The following SIMC1 variants were observed in gnomAD, a reference collection of about 807,000 sequenced individuals.
SIMC1 encodes SUMO interacting motifs containing 1, also known as SUMO-interacting motif-containing protein 1.
A neutral mutation model predicts 82.3 loss-of-function variants in SIMC1; 55 were observed. The observed-to-expected ratio is 0.67, with a 90% confidence interval of 0.54 to 0.84. The LOEUF (loss-of-function observed/expected upper bound fraction) is 0.84. SIMC1 is among the 40% of genes least tolerant of loss of function. The probability of loss-of-function intolerance (pLI) is 0.00; values close to 1 mark genes in which losing one functional copy is unlikely to be tolerated. For missense variants in SIMC1, 915 were observed against 1,107.2 expected (o/e 0.83, Z 2.46); for synonymous variants, 353 against 426.3 (o/e 0.83, Z 2.12).
intron 9 of SIMC1, among the ~76,000 whole-genome samples, chr5:176,341,830 G>A (rs1766163687): frequency 6.6e-6 from 1 of 152,140 alleles, no homozygotes; most frequent in Admixed American, 6.5e-5. Flanking sequence ...AATACTATCA[G>A]CTGAAATATC....
chr5:176,343,433 A>G (rs1390394372), intron 9 of SIMC1, among the ~76,000 whole-genome samples: 4 of 152,150 alleles, frequency 2.6e-5, no homozygotes, highest in Non-Finnish European at 5.9e-5. Flanking sequence ...AATTCCACAC[A>G]CTTCTAGAAT....
At chr5:176,305,138 G>GGGGGC (rs1561710129) in intron 4 of SIMC1, among the ~76,000 whole-genome samples, 1 of 42,690 alleles carries the variant, frequency 2.3e-5, no homozygotes, top group East Asian at 7.0e-4. Flanking sequence ...CATCCAGGAG[G>GGGGGC]GGGGGGGGGT....
At chr5:176,335,110 TAATA>T (rs1328896909) in intron 7 of SIMC1, among the ~76,000 whole-genome samples, 2 of 150,706 alleles carry the variant, frequency 1.3e-5, no homozygotes, top group Non-Finnish European at 3.0e-5. Context: ...AAAAAAAAAA[TAATA>T]ATAATAATCA....
intron 1 of SIMC1, among the ~76,000 whole-genome samples, chr5:176,279,229 T>G (rs1034192620): frequency 8.5e-5 from 13 of 152,358 alleles, no homozygotes; most frequent in African/African-American, 2.9e-4. Context: ...TTTTCTAGTT[T>G]ATTTGCGTAG....
At chr5:176,325,744 T>A (rs1237818029) in intron 7 of SIMC1, among the ~76,000 whole-genome samples, 2 of 151,888 alleles carry the variant, frequency 1.3e-5, no homozygotes, top group African/African-American at 4.8e-5. Context: ...AAATAAAAAT[T>A]TAACTGTTAA....
intron 6 of SIMC1, among the ~76,000 whole-genome samples, chr5:176,323,614 G>A (rs1765253101): frequency 6.6e-6 from 1 of 152,188 alleles, no homozygotes; most frequent in Admixed American, 6.5e-5. Flanking sequence ...CAGAATCTGA[G>A]GCCAGAGCTG....
At chr5:176,306,295 G>A (rs1300381283) in intron 4 of SIMC1, among the ~76,000 whole-genome samples, 3 of 133,224 alleles carry the variant, frequency 2.3e-5, no homozygotes, top group Admixed American at 1.5e-4. Flanking sequence ...AGGTGGGGGG[G>A]TCAGCCCCCC....
chr5:176,302,300 A>G (rs956461438), intron 4 of SIMC1, among the ~76,000 whole-genome samples: 5 of 152,228 alleles, frequency 3.3e-5, no homozygotes, highest in African/African-American at 1.2e-4. Context: ...CATATTACAG[A>G]ATGAAGGAGA....
chr5:176,294,640 G>A (rs368082308), intron 2 of SIMC1, among the ~76,000 whole-genome samples: 2 of 149,906 alleles, frequency 1.3e-5, no homozygotes, highest in African/African-American at 2.5e-5. Context: ...TATCTTCAAC[G>A]TATTCTAGAA....
At chr5:176,285,820 T>C (rs1044918555) in intron 1 of SIMC1, among the ~76,000 whole-genome samples, 8 of 151,984 alleles carry the variant, frequency 5.3e-5, no homozygotes, top group Non-Finnish European at 1.0e-4. Context: ...GTGCAAAAAA[T>C]CACAAGCATT....
intron 1 of SIMC1, among the ~76,000 whole-genome samples, chr5:176,273,422 C>T (rs2113188356): frequency 6.6e-6 from 1 of 152,206 alleles, no homozygotes; most frequent in South Asian, 2.1e-4. Context: ...ACACCAAAAC[C>T]CCATCTGTAT....
chr5:176,272,394 A>AC (rs2113183702), intron 1 of SIMC1, among the ~76,000 whole-genome samples: 1 of 151,854 alleles, frequency 6.6e-6, no homozygotes, highest in South Asian at 2.1e-4. Context: ...CAAAAAAAAA[A>AC]ACATACAGAT....
At chr5:176,248,951 C>A (rs1170405288) in intron 1 of SIMC1, among the ~76,000 whole-genome samples, 1 of 152,038 alleles carries the variant, frequency 6.6e-6, no homozygotes, top group Admixed American at 6.6e-5. Context: ...GGGATGAAGC[C>A]AATTTGATCG....
intron 1 of SIMC1, among the ~76,000 whole-genome samples, chr5:176,246,448 G>GTGTTGT (rs1554104456): frequency 1.5e-5 from 2 of 134,860 alleles, no homozygotes; most frequent in African/African-American, 2.8e-5. Context: ...GTGTGTGTGT[G>GTGTTGT]TTGTTTGTTT....
Position 176,290,580 on chromosome 5 carries a change from A to C in SIMC1, c.1056A>C (p.Ser352=), listed in dbSNP as rs562445725. The C allele has an allele frequency of 4.0e-4, 640 of 1,613,986 alleles. 6 individuals are homozygous for C. In the South Asian group the frequency reaches 6.5e-3, roughly 17 times the overall value. Residue 352 remains serine, a synonymous_variant, in exon 2 of 10, where the codon TCA becomes TCC. Coordinates refer to ENST00000429602, the MANE Select transcript of SIMC1 (RefSeq NM_001308195.2). The part of the protein sequence containing the change: ...VLHSPGDMPH[S]SGDVTHSPRD... ...ATTCACCTGGAGACATGCCACACTC[A>C]TCAGGGGACGTGACACACTCACCTA... is the stretch of plus-strand genomic sequence containing the variant.
intron 4 of SIMC1, among the ~76,000 whole-genome samples, chr5:176,305,532 G>T (rs1272953355): frequency 4.9e-5 from 7 of 142,370 alleles, no homozygotes; most frequent in African/African-American, 1.9e-4. Flanking sequence ...GAGGGAGGTG[G>T]GGGGGTCAGC....
chr5:176,283,532 C>T (rs967035777), intron 1 of SIMC1, among the ~76,000 whole-genome samples: 4 of 152,190 alleles, frequency 2.6e-5, no homozygotes, highest in African/African-American at 9.7e-5. Context: ...AAGCACTAAA[C>T]ATGGAAAGGA....
At chr5:176,338,509 G>C (rs1199208280) in intron 9 of SIMC1, among the ~76,000 whole-genome samples, 1 of 152,106 alleles carries the variant, frequency 6.6e-6, no homozygotes, top group East Asian at 1.9e-4. Flanking sequence ...TAGTAGATTA[G>C]ATAACATTAT....
At chr5:176,306,345 C>T (rs1257961020) in intron 4 of SIMC1, among the ~76,000 whole-genome samples, 2 of 140,246 alleles carry the variant, frequency 1.4e-5, no homozygotes, top group Admixed American at 1.4e-4. Context: ...AGGGGCACCT[C>T]TGCCCAGCCG....
Sources: gnomAD v4.1 joint callset for allele counts (sites outside exome capture counted in the v4.1 genomes callset) on GRCh38, gnomAD v4.1.1 for gene constraint, MANE v1.5 for transcripts, NCBI Gene and HGNC (gene_info 2026-07-23, HGNC 2026-07-21) for gene names.